The following DPYD variants were observed in gnomAD, a reference collection of about 807,000 sequenced individuals.
DPYD encodes dihydropyrimidine dehydrogenase, also known as dihydropyrimidine dehydrogenase [NADP(+)].
In DPYD, 109 loss-of-function variants were observed where a neutral mutation model predicts 116.2. The ratio of observed to expected loss-of-function variants is 0.94; its 90% confidence interval spans 0.80 to 1.10. The LOEUF (loss-of-function observed/expected upper bound fraction) is 1.10. DPYD is among the 50% of genes least tolerant of loss of function. The probability of loss-of-function intolerance (pLI) is 0.00; values close to 1 mark genes in which losing one functional copy is unlikely to be tolerated. For synonymous variants in DPYD, 440 were observed against 432.0 expected (o/e 1.02, Z -0.23); for missense variants, 1,302 against 1,254.5 (o/e 1.04, Z -0.57).
In DPYD at chr1:97,597,640, G is replaced by A. The variant is rs140577519; in HGVS notation, c.851-2474C>T. On this transcript the variant is annotated intron_variant, in intron 8 of 22. Transcript: ENST00000370192. ...AGGAGATTGCCTCAATAATGTGGGT[G>A]GGCCCTATCCAATCAATTAATCAAA... Among the ~76,000 whole-genome samples the A allele has an allele frequency of 2.2e-3, 332 of 152,254 alleles. 4 individuals are homozygous for A. Among genetic ancestry groups the A allele is most frequent in the African/African-American group, 7.5e-3 (310 of 41,530 alleles).
intron 16 of DPYD, among the ~76,000 whole-genome samples, chr1:97,317,819 A>T (rs1419930513): frequency 6.6e-6 from 1 of 151,982 alleles, no homozygotes. Flanking sequence ...TCCAAGCAAG[A>T]AAGAATTACT....
intron 8 of DPYD, among the ~76,000 whole-genome samples, chr1:97,628,769 A>C (rs1207179126): frequency 1.3e-5 from 2 of 152,134 alleles, no homozygotes; most frequent in Non-Finnish European, 2.9e-5. Flanking sequence ...ATGCAAATAG[A>C]ATTAGTAAAT....
At chr1:97,435,882 TA>T (rs1223523496) in intron 14 of DPYD, among the ~76,000 whole-genome samples, 1 of 151,824 alleles carries the variant, frequency 6.6e-6, no homozygotes, top group Non-Finnish European at 1.5e-5. Flanking sequence ...TAGTTATCAA[TA>T]AGCCCAAAAA....
intron 7 of DPYD, among the ~76,000 whole-genome samples, chr1:97,685,723 C>T (rs1339393676): frequency 2.6e-5 from 4 of 152,092 alleles, no homozygotes; most frequent in African/African-American, 7.2e-5. Context: ...TGAATGAACT[C>T]CCATTCACAA....
Position 97,525,758 on chromosome 1 carries a change from TAGAGAGAGAGAG to T in DPYD, c.1525-9829_1525-9818del, listed in dbSNP as rs58098297. On this transcript the variant is annotated intron_variant, in intron 12 of 22. Transcript: ENST00000370192. ...AGAGTAAGTAATTGCCCTGGGTAAT[TAGAGAGAGAGAG>T]AGAGAGAGAGAGAGAGAGAGTGTGT... Among the ~76,000 whole-genome samples the T allele has an allele frequency of 4.0e-4, 44 of 108,712 alleles. 1 individual carries two copies. Among genetic ancestry groups the T allele is most frequent in the Admixed American group, 3.9e-3 (39 of 9,876 alleles). The allele number at this position is 108,712 out of a possible 152,430, so 71.3% of individuals were successfully genotyped here. A position where few individuals can be genotyped will look rare whatever the true frequency, so the allele number is the denominator to read the frequency against.
At chr1:97,472,360 A>C (rs1167525918) in intron 13 of DPYD, among the ~76,000 whole-genome samples, 3 of 152,176 alleles carry the variant, frequency 2.0e-5, no homozygotes, top group African/African-American at 4.8e-5. Flanking sequence ...AGCCTCTGTC[A>C]CACCTTCATC....
chr1:97,447,550 T>C (rs1676158124), intron 14 of DPYD, among the ~76,000 whole-genome samples: 1 of 152,214 alleles, frequency 6.6e-6, no homozygotes. Context: ...AAGAATGATG[T>C]GTATAATCTA....
intron 11 of DPYD, among the ~76,000 whole-genome samples, chr1:97,553,726 T>G (rs2102101979): frequency 6.6e-6 from 1 of 152,236 alleles, no homozygotes; most frequent in East Asian, 1.9e-4. Flanking sequence ...TTCTCAGATT[T>G]TCCATGAGAT....
chr1:97,488,563 G>C lies in DPYD; in HGVS notation c.1740+27163C>G, dbSNP rs559903057. Among the ~76,000 whole-genome samples, 11 of 152,300 alleles carry C rather than the reference G, an allele frequency of 7.2e-5. No homozygotes were observed. The South Asian group carries it at 1.7e-3, about 23-fold the overall frequency. On this transcript the variant is annotated intron_variant, in intron 13 of 22. Coordinates refer to ENST00000370192, the MANE Select transcript of DPYD (RefSeq NM_000110.4). Reference sequence around the variant, plus strand: ...ATTACTGTGAACCTACAAGTGCTAAGTCAGAAGAATCATGCCTATAACTAG... The same window carrying C: ...ATTACTGTGAACCTACAAGTGCTAACTCAGAAGAATCATGCCTATAACTAG...
intron 2 of DPYD, among the ~76,000 whole-genome samples, chr1:97,830,538 C>CT (rs1669486573): frequency 6.6e-6 from 1 of 152,024 alleles, no homozygotes; most frequent in Non-Finnish European, 1.5e-5. Flanking sequence ...ATGGTGAACT[C>CT]TGTCTCTACT....
intron 8 of DPYD, among the ~76,000 whole-genome samples, chr1:97,671,141 C>G (rs1450119751): frequency 6.6e-6 from 1 of 151,804 alleles, no homozygotes; most frequent in African/African-American, 2.4e-5. Context: ...AATAAATTAT[C>G]TCCTTTTTTA....
At chr1:97,370,596 A>G (rs529661080) in intron 16 of DPYD, among the ~76,000 whole-genome samples, 1 of 152,334 alleles carries the variant, frequency 6.6e-6, no homozygotes, top group East Asian at 1.9e-4. Flanking sequence ...TTTTTTAAAA[A>G]GAGCAACACA....
chr1:97,794,509 T>C (rs1667473721), intron 3 of DPYD, among the ~76,000 whole-genome samples: 1 of 152,200 alleles, frequency 6.6e-6, no homozygotes, highest in Non-Finnish European at 1.5e-5. Flanking sequence ...AGACTGATCA[T>C]AGATGTTTAC....
At chr1:97,530,244 G>A (rs1419632491) in intron 12 of DPYD, among the ~76,000 whole-genome samples, 3 of 129,162 alleles carry the variant, frequency 2.3e-5, no homozygotes, top group African/African-American at 8.8e-5. Flanking sequence ...TTGAGACGGA[G>A]TCTCGCTCTG....
chr1:97,446,891 TAGTC>T lies in DPYD; in HGVS notation c.1905+3164_1905+3167del, dbSNP rs931573076. Among the ~76,000 whole-genome samples the T allele has an allele frequency of 2.6e-5, 4 of 152,288 alleles. No homozygotes were observed. In the South Asian group the frequency reaches 6.2e-4, roughly 24 times the overall value. The stretch of plus-strand genomic sequence containing the variant: ...TCTCAGCTTAGGAACAAAAAGCTCT[TAGTC>T]AGTAATAAATTGTCACTACAATGAT... On this transcript the variant is annotated intron_variant, in intron 14 of 22. Coordinates refer to ENST00000370192, the MANE Select transcript of DPYD (RefSeq NM_000110.4).
intron 16 of DPYD, among the ~76,000 whole-genome samples, chr1:97,338,395 C>T (rs1669410871): frequency 6.6e-6 from 1 of 152,048 alleles, no homozygotes; most frequent in Non-Finnish European, 1.5e-5. Flanking sequence ...ATTCATTTAT[C>T]TTGGGGAAGG....
rs1028840662 is a variant in DPYD at position 97,206,665 on chromosome 1, T to C, written c.2443-13417A>G. On this transcript the variant is annotated intron_variant, in intron 19 of 22. Coordinates refer to ENST00000370192, the MANE Select transcript of DPYD (RefSeq NM_000110.4). ...ATATATATATATATATATATATATA[T>C]ATATATATATATATATATATATAAT... Among the ~76,000 whole-genome samples, 2 of 118,878 alleles carry C rather than the reference T, an allele frequency of 1.7e-5. 1 individual carries two copies. Among genetic ancestry groups the C allele is most frequent in the East Asian group, 4.6e-4 (2 of 4,320 alleles). The allele number at this position is 118,878 out of a possible 152,430, so 78.0% of individuals were successfully genotyped here.
At chr1:97,162,376 C>T (rs556376524) in intron 20 of DPYD, among the ~76,000 whole-genome samples, 78 of 152,200 alleles carry the variant, frequency 5.1e-4, no homozygotes, top group African/African-American at 1.7e-3. Flanking sequence ...AACTCCCATT[C>T]ACAATTGCTT....
intron 1 of DPYD, among the ~76,000 whole-genome samples, chr1:97,918,499 C>A (rs1263208693): frequency 6.6e-6 from 1 of 152,200 alleles, no homozygotes; most frequent in Non-Finnish European, 1.5e-5. Flanking sequence ...CTTTCCTTGC[C>A]TATCTCCCAG....
Sources: allele counts gnomAD v4.1 joint callset (sites outside exome capture counted in the v4.1 genomes callset), GRCh38; gene constraint gnomAD v4.1.1; transcripts MANE v1.5; gene names NCBI Gene and HGNC (gene_info 2026-07-23, HGNC 2026-07-21).